The following ST8SIA5 variants were observed in gnomAD, a reference collection of about 807,000 sequenced individuals.
ST8SIA5 encodes alpha-2,8-sialyltransferase 8E.
A neutral mutation model predicts 40.2 loss-of-function variants in ST8SIA5; 24 were observed. That is an observed-to-expected ratio of 0.60 (90% CI 0.43 to 0.84). The LOEUF is 0.84. Ranked by LOEUF, ST8SIA5 falls within the 40% of genes least tolerant of loss-of-function variation. The probability of loss-of-function intolerance (pLI) is 0.00; values close to 1 mark genes in which losing one functional copy is unlikely to be tolerated. For synonymous variants in ST8SIA5, 198 were observed against 201.8 expected, an observed-to-expected ratio of 0.98 and a Z score of 0.16; for missense variants, 465 against 498.5, an observed-to-expected ratio of 0.93 and a Z score of 0.64.
At chr18:46,749,244 G>T (rs2040172523) in intron 1 of ST8SIA5, among the ~76,000 whole-genome samples, 1 of 152,168 alleles carries the variant, frequency 6.6e-6, no homozygotes, top group South Asian at 2.1e-4. Context: ...TGGCTAAGGG[G>T]TACAGGATTT....
At chr18:46,697,714 T>C (rs947720011) in intron 2 of ST8SIA5, among the ~76,000 whole-genome samples, 2 of 151,850 alleles carry the variant, frequency 1.3e-5, no homozygotes, top group Admixed American at 6.6e-5. Context: ...TCAACAACAA[T>C]AAAAAGATAT....
intron 1 of ST8SIA5, among the ~76,000 whole-genome samples, chr18:46,755,753 A>C (rs2040237456): frequency 6.6e-6 from 1 of 151,918 alleles, no homozygotes; most frequent in South Asian, 2.1e-4. Context: ...TTTTGCGCTA[A>C]GGATGAGAAA....
chr18:46,756,332 C>T (rs1461095967), intron 1 of ST8SIA5, 46 bp downstream of exon 1: 10 of 1,600,276 alleles, frequency 6.2e-6, no homozygotes, highest in Non-Finnish European at 7.7e-6. Flanking sequence ...CCCGGGGGCT[C>T]GCCGGCCGGC....
intron 1 of ST8SIA5, among the ~76,000 whole-genome samples, chr18:46,712,537 C>T (rs2039743622): frequency 6.6e-6 from 1 of 152,222 alleles, no homozygotes; most frequent in African/African-American, 2.4e-5. Context: ...TGGCTCCCTT[C>T]GTGGCCCTCC....
intron 2 of ST8SIA5, among the ~76,000 whole-genome samples, chr18:46,697,569 G>T (rs2039568825): frequency 6.6e-6 from 1 of 152,168 alleles, no homozygotes; most frequent in African/African-American, 2.4e-5. Context: ...AGCCAGGTGT[G>T]GCTGCATGCG....
intron 1 of ST8SIA5, among the ~76,000 whole-genome samples, chr18:46,755,571 G>A (rs549304789): frequency 6.6e-6 from 1 of 152,254 alleles, no homozygotes; most frequent in East Asian, 1.9e-4. Flanking sequence ...CCGGCAGAAG[G>A]AAGTGGCTGG....
chr18:46,735,480 A>G (rs1053836011), intron 1 of ST8SIA5, among the ~76,000 whole-genome samples: 6 of 152,248 alleles, frequency 3.9e-5, no homozygotes, highest in African/African-American at 1.4e-4. Context: ...TAAAAAAGTA[A>G]AAATTCATGT....
chr18:46,724,102 A>G (rs573932678), intron 1 of ST8SIA5, among the ~76,000 whole-genome samples: 2 of 152,350 alleles, frequency 1.3e-5, no homozygotes, highest in South Asian at 2.1e-4. Context: ...CTCTGTTCCC[A>G]TCTTTCAAGA....
chr18:46,735,498 T>G (rs1415930266), intron 1 of ST8SIA5, among the ~76,000 whole-genome samples: 1 of 152,178 alleles, frequency 6.6e-6, no homozygotes, highest in Non-Finnish European at 1.5e-5. Flanking sequence ...TGTAATAAAA[T>G]TGCTTAGAAC....
At chr18:46,688,988 C>T (rs2039476190) in intron 3 of ST8SIA5, 69 bp from the exon 4 acceptor site, 2 of 1,542,774 alleles carry the variant, frequency 1.3e-6, no homozygotes, top group Admixed American at 1.9e-5. Context: ...AGAGCACAAC[C>T]TCACGGAGAA....
intron 1 of ST8SIA5, 75 bp downstream of exon 1, chr18:46,756,303 G>A (rs2040245085): frequency 6.3e-7 from 1 of 1,583,838 alleles, no homozygotes; most frequent in Non-Finnish European, 8.6e-7. Flanking sequence ...TGCGACCGAA[G>A]CTGCCGCGGC....
chr18:46,677,987 G>T lies in ST8SIA5; in HGVS notation c.*2055C>A, dbSNP rs2039351351. On this transcript the variant is annotated 3_prime_UTR_variant, in exon 7 of 7. Coordinates refer to ENST00000315087, the MANE Select transcript of ST8SIA5 (RefSeq NM_013305.6). ...GAACCTTCTAGTTTTTATATTCCAT[G>T]GTTTCAAGAACTGGGTTCAATTAAC... 1 of 152,172 alleles carries T rather than the reference G, an allele frequency of 6.6e-6. No homozygotes were observed. The highest frequency in any genetic ancestry group is 1.5e-5 in the Non-Finnish European group (1 of 68,028). The allele number at this position is 152,172 out of a possible 1,614,324, so 9.4% of individuals were successfully genotyped here.
At chr18:46,698,206 T>C (rs1229075072) in intron 2 of ST8SIA5, among the ~76,000 whole-genome samples, 1 of 142,692 alleles carries the variant, frequency 7.0e-6, no homozygotes, top group Non-Finnish European at 1.5e-5. Context: ...ACACCAACAA[T>C]CAAAACAACA....
chr18:46,668,160 C>T lies in ST8SIA5; in HGVS notation c.*11882G>A, dbSNP rs2039286195. The stretch of plus-strand genomic sequence containing the variant: ...TTTTCATATAGATGGTGTTTCTCCA[C>T]ATCCCAGCAAAGGACATCTCAGGCC... On this transcript the variant is annotated 3_prime_UTR_variant, in exon 7 of 7. Coordinates refer to ENST00000315087, the MANE Select transcript of ST8SIA5 (RefSeq NM_013305.6). The T allele has an allele frequency of 2.0e-5, 3 of 152,274 alleles. No homozygotes were observed. The highest frequency in any genetic ancestry group is 4.8e-5 in the African/African-American group (2 of 41,452). 9.4% of individuals were successfully genotyped at this position (152,274 alleles called of 1,614,324 possible).
Position 46,670,322 on chromosome 18 carries a change from T to G in ST8SIA5, c.*9720A>C, listed in dbSNP as rs2039301384. The G allele has an allele frequency of 6.6e-6, 1 of 152,220 alleles. No homozygotes were observed. Among genetic ancestry groups the G allele is most frequent in the Admixed American group, 6.5e-5 (1 of 15,280 alleles). 9.4% of individuals were successfully genotyped at this position (152,220 alleles called of 1,614,324 possible). On this transcript the variant is annotated 3_prime_UTR_variant, in exon 7 of 7. Transcript: ENST00000315087. Reference sequence around the variant, plus strand: ...TCTGCATGTCCTGGATGTCACAGGGTGAACTGAGCTGAAATGCTGTGTTGC... The same window carrying G: ...TCTGCATGTCCTGGATGTCACAGGGGGAACTGAGCTGAAATGCTGTGTTGC...
At chr18:46,753,964 G>A (rs964662481) in intron 1 of ST8SIA5, among the ~76,000 whole-genome samples, 3 of 152,140 alleles carry the variant, frequency 2.0e-5, no homozygotes, top group Non-Finnish European at 4.4e-5. Context: ...GCATTTCAAT[G>A]GTCCTCCAGT....
At chr18:46,730,626 A>G (rs889822104) in intron 1 of ST8SIA5, among the ~76,000 whole-genome samples, 3 of 152,132 alleles carry the variant, frequency 2.0e-5, no homozygotes, top group Admixed American at 2.0e-4. Flanking sequence ...TGAGCTCAGG[A>G]GTTTGAGACC....
At chr18:46,710,375 C>CTTTCTTTCT (rs1467295436) in intron 1 of ST8SIA5, among the ~76,000 whole-genome samples, 4 of 63,396 alleles carry the variant, frequency 6.3e-5, no homozygotes, top group African/African-American at 2.2e-4. Flanking sequence ...TTCTTTCTTT[C>CTTTCTTTCT]TTTCTTTCTT....
Position 46,677,162 on chromosome 18 carries a change from T to A in ST8SIA5, c.*2880A>T, listed in dbSNP as rs556922417. 5 of 152,292 alleles carry A rather than the reference T, an allele frequency of 3.3e-5. No homozygotes were observed. Among genetic ancestry groups the A allele is most frequent in the African/African-American group, 1.2e-4 (5 of 41,558 alleles). 9.4% of individuals were successfully genotyped at this position (152,292 alleles called of 1,614,324 possible). ...CGGACGATGACAGCCTCCTAGAGCA[T>A]TTGTCCCTGGAGGAGGGCCCCGTAC... is the stretch of plus-strand genomic sequence containing the variant. On this transcript the variant is annotated 3_prime_UTR_variant, in exon 7 of 7. Coordinates refer to ENST00000315087, the MANE Select transcript of ST8SIA5 (RefSeq NM_013305.6).
Sources: allele counts gnomAD v4.1 joint callset (sites outside exome capture counted in the v4.1 genomes callset), GRCh38; gene constraint gnomAD v4.1.1; transcripts MANE v1.5; gene names NCBI Gene and HGNC (gene_info 2026-07-23, HGNC 2026-07-21).